Variants in CYP19A1 observed in about 807,000 individuals in gnomAD.
The protein encoded by CYP19A1 is cytochrome P450 family 19 subfamily A member 1, also known as aromatase.
Under a neutral mutation model 44.4 loss-of-function variants are expected in CYP19A1, and 32 were observed. The observed-to-expected ratio is 0.72, with a 90% CI of 0.54 to 0.97. The LOEUF is 0.97. Among genes scored for constraint, CYP19A1 ranks in the 50% least tolerant of loss-of-function variants. The probability of loss-of-function intolerance (pLI) is 0.00; values close to 1 mark genes in which losing one functional copy is unlikely to be tolerated. For missense variants in CYP19A1, 598 were observed against 637.8 expected, an observed-to-expected ratio of 0.94 and a Z score of 0.67; for synonymous variants, 212 against 215.6, an observed-to-expected ratio of 0.98 and a Z score of 0.14.
At chr15:51,284,877 T>A (rs1287118872) in intron 1 of CYP19A1, among the ~76,000 whole-genome samples, 1 of 152,146 alleles carries the variant, frequency 6.6e-6, no homozygotes, top group Non-Finnish European at 1.5e-5. Context: ...CCACCAAACA[T>A]CTGAAGATCT....
chr15:51,213,889 G>A (rs534324123), intron 8 of CYP19A1, among the ~76,000 whole-genome samples: 79 of 152,260 alleles, frequency 5.2e-4, no homozygotes, highest in African/African-American at 1.8e-3. Flanking sequence ...CCTGCACCTG[G>A]CACAGAACCT....
At chr15:51,285,781 C>G (rs2035677035) in intron 1 of CYP19A1, among the ~76,000 whole-genome samples, 1 of 152,222 alleles carries the variant, frequency 6.6e-6, no homozygotes, top group Admixed American at 6.5e-5. Flanking sequence ...GTCTGGGCTT[C>G]CAGAGCTCAG....
intron 1 of CYP19A1, among the ~76,000 whole-genome samples, chr15:51,301,332 G>A (rs1014146143): frequency 6.6e-6 from 1 of 152,196 alleles, no homozygotes; most frequent in African/African-American, 2.4e-5. Flanking sequence ...GCATAAAACT[G>A]AGATAGCACA....
chr15:51,217,066 A>T (rs2031645125), intron 6 of CYP19A1, among the ~76,000 whole-genome samples: 1 of 152,244 alleles, frequency 6.6e-6, no homozygotes, highest in African/African-American at 2.4e-5. Context: ...TGATCCACAC[A>T]TTCATCAAAT....
chr15:51,312,916 C>G (rs976380490), intron 1 of CYP19A1: 2 of 152,296 alleles, frequency 1.3e-5, no homozygotes, highest in African/African-American at 4.8e-5. Context: ...GATGGGACTC[C>G]TTCAGGTTTC....
intron 1 of CYP19A1, among the ~76,000 whole-genome samples, chr15:51,267,898 A>G (rs953910758): frequency 6.6e-6 from 1 of 152,194 alleles, no homozygotes; most frequent in African/African-American, 2.4e-5. Context: ...AAGGAGCCTG[A>G]ACGCCACAAC....
In CYP19A1 at chr15:51,242,790, A is replaced by G. The variant is rs767207826; in HGVS notation, c.123T>C (p.Tyr41=). Reference sequence around the variant, plus strand: ...TACCTGGTATTGAGGATGTGCCCTCATAATTCCACACCAAGAGAAAAAGGC... The same window carrying G: ...TACCTGGTATTGAGGATGTGCCCTCGTAATTCCACACCAAGAGAAAAAGGC... The part of the protein sequence containing the change: ...LTGLFLLVWN[Y]EGTSSIPGPG... The change falls in exon 2 of 10, where the codon TAT becomes TAC. Residue 41 remains tyrosine, a synonymous_variant. Transcript: ENST00000396402. 1.9e-6 allele frequency: 3 copies of G among 1,579,044 alleles called. No individual in the cohort carries two copies. Among genetic ancestry groups the G allele is most frequent in the Non-Finnish European group, 2.6e-6 (3 of 1,148,040 alleles).
At chr15:51,304,808 A>G (rs546854848) in intron 1 of CYP19A1, among the ~76,000 whole-genome samples, 1 of 152,054 alleles carries the variant, frequency 6.6e-6, no homozygotes, top group Admixed American at 6.6e-5. Context: ...ATGCATGACA[A>G]GAAACCCTAC....
At chr15:51,298,514 A>G (rs549269492) in intron 1 of CYP19A1, among the ~76,000 whole-genome samples, 3 of 152,198 alleles carry the variant, frequency 2.0e-5, no homozygotes, top group Non-Finnish European at 4.4e-5. Context: ...GCCCTAAACC[A>G]TCATCCACTT....
At chr15:51,247,722 C>A (rs1251027550) in intron 1 of CYP19A1, among the ~76,000 whole-genome samples, 1 of 152,074 alleles carries the variant, frequency 6.6e-6, no homozygotes, top group Non-Finnish European at 1.5e-5. Flanking sequence ...TGATCCGAGT[C>A]CTAACCTTCT....
At chr15:51,329,528 T>C (rs2470144) in intron 1 of CYP19A1, among the ~76,000 whole-genome samples, 90,817 of 152,040 alleles carry the variant, frequency 0.6, 29,258 homozygotes, top group African/African-American at 0.85. Context: ...GGGCCACTGA[T>C]GGAGGGAAAT....
In CYP19A1 at chr15:51,216,046, G is replaced by A. The variant is rs1307799543; in HGVS notation, c.744-229C>T. On this transcript the variant is annotated intron_variant, in intron 6 of 9. Coordinates refer to ENST00000396402, the MANE Select transcript of CYP19A1 (RefSeq NM_000103.4). ...GCTAAGATTTCTGGATACTGGTAGC[G>A]AAATCAAGCCTGTGACTTCTAGTTA... 3.6e-5 allele frequency: 29 copies of A among 797,432 alleles called. 1 individual carries two copies. In the South Asian group the frequency reaches 3.6e-4, roughly 10 times the overall value. The allele number at this position is 797,432 out of a possible 1,614,324, so 49.4% of individuals were successfully genotyped here. A position where few individuals can be genotyped will look rare whatever the true frequency, so the allele number is the denominator to read the frequency against.
intron 1 of CYP19A1, among the ~76,000 whole-genome samples, chr15:51,300,636 A>G (rs1384456245): frequency 6.6e-6 from 1 of 152,220 alleles, no homozygotes; most frequent in Non-Finnish European, 1.5e-5. Flanking sequence ...GCCTGAATGC[A>G]GCATGTGAGC....
chr15:51,268,171 G>A (rs953853973), intron 1 of CYP19A1, among the ~76,000 whole-genome samples: 1 of 152,102 alleles, frequency 6.6e-6, no homozygotes, highest in African/African-American at 2.4e-5. Context: ...TATTTTATGA[G>A]CTCTAACATA....
At chr15:51,263,418 T>TG (rs1313155062) in intron 1 of CYP19A1, among the ~76,000 whole-genome samples, 1 of 152,154 alleles carries the variant, frequency 6.6e-6, no homozygotes, top group Non-Finnish European at 1.5e-5. Flanking sequence ...CTATGCATAA[T>TG]GGTCAAAAAG....
chr15:51,337,578 A>G (rs2036797356), intron 1 of CYP19A1, among the ~76,000 whole-genome samples: 1 of 152,236 alleles, frequency 6.6e-6, no homozygotes, highest in African/African-American at 2.4e-5. Flanking sequence ...TGCAGCTTGT[A>G]GAGCTCACAG....
chr15:51,215,713 A>T lies in CYP19A1; in HGVS notation c.848T>A (p.Ile283Asn), dbSNP rs774479048. 5 of 1,613,916 alleles carry T rather than the reference A, an allele frequency of 3.1e-6. No homozygotes were observed. The African/African-American group carries it at 6.7e-5, about 22-fold the overall frequency. Residue 283 changes from isoleucine (I) to asparagine (N), a missense_variant, in exon 7 of 10, where the codon ATT becomes AAT. By Grantham distance (149) the Ile-to-Asn change is moderately radical. Transcript: ENST00000396402. ...EECMDFATEL[I>N]LAEKRGDLTR... ...AGTTCAGGTCAGTACCTCTGCTAAAATCAACTCAGTGGCAAAGTCCATACA... is the reference window on the plus strand; with the variant it reads ...AGTTCAGGTCAGTACCTCTGCTAAATTCAACTCAGTGGCAAAGTCCATACA...
chr15:51,312,632 A>C (rs965311088), intron 1 of CYP19A1: 1 of 152,294 alleles, frequency 6.6e-6, no homozygotes, highest in Non-Finnish European at 1.5e-5. Context: ...CCACATTTGC[A>C]GAACAGGCTG....
At chr15:51,275,318 C>T (rs1278961020) in intron 1 of CYP19A1, among the ~76,000 whole-genome samples, 1 of 152,228 alleles carries the variant, frequency 6.6e-6, no homozygotes, top group African/African-American at 2.4e-5. Flanking sequence ...TCACTCCACC[C>T]AACAGAACCA....
Sources: gnomAD v4.1 joint callset for allele counts (sites outside exome capture counted in the v4.1 genomes callset) on GRCh38, gnomAD v4.1.1 for gene constraint, MANE v1.5 for transcripts, NCBI Gene and HGNC (gene_info 2026-07-23, HGNC 2026-07-21) for gene names.